GRID2: variants seen among roughly 807,000 people sequenced by gnomAD.
The protein encoded by GRID2 is glutamate receptor ionotropic, delta-2.
A neutral mutation model predicts 114.8 loss-of-function variants in GRID2; 33 were observed. That is an observed-to-expected ratio of 0.29 (90% confidence interval 0.22 to 0.38). The LOEUF (loss-of-function observed/expected upper bound fraction) is 0.38, where lower values mean the gene tolerates loss of function less well. Ranked by LOEUF, GRID2 falls within the 10% of genes least tolerant of loss-of-function variation. GRID2 has a pLI of 1.00. For missense variants in GRID2, 1,184 were observed against 1,257.7 expected (o/e 0.94, Z 0.89); for synonymous variants, 505 against 449.9 (o/e 1.12, Z -1.55).
At chr4:93,505,745 A>G (rs1728569306) in intron 12 of GRID2, among the ~76,000 whole-genome samples, 1 of 151,514 alleles carries the variant, frequency 6.6e-6, no homozygotes, top group South Asian at 2.1e-4. Context: ...TTTAACTAAT[A>G]GCCATTTAAA....
At chr4:93,532,775 CTAATT>C (rs1731581517) in intron 13 of GRID2, among the ~76,000 whole-genome samples, 2 of 152,150 alleles carry the variant, frequency 1.3e-5, no homozygotes, top group East Asian at 1.9e-4. Flanking sequence ...TTTAGGGAAT[CTAATT>C]TAGTTTGTCA....
At chr4:92,528,391 T>C (rs1725147890) in intron 1 of GRID2, among the ~76,000 whole-genome samples, 1 of 151,560 alleles carries the variant, frequency 6.6e-6, no homozygotes, top group Non-Finnish European at 1.5e-5. Flanking sequence ...TGTTTGAAGA[T>C]TGATCCTTGT....
intron 1 of GRID2, among the ~76,000 whole-genome samples, chr4:93,804,194 C>T (rs1032282686): frequency 4.6e-5 from 7 of 152,182 alleles, no homozygotes; most frequent in Non-Finnish European, 8.8e-5. Context: ...GAGACTATCA[C>T]AGACAACAGA....
intron 2 of GRID2, among the ~76,000 whole-genome samples, chr4:92,607,150 G>A (rs182513527): frequency 6.4e-4 from 98 of 152,038 alleles, no homozygotes; most frequent in African/African-American, 2.2e-3. Flanking sequence ...TAATTACCTT[G>A]AGCAGCAGGA....
intron 2 of GRID2, among the ~76,000 whole-genome samples, chr4:92,739,967 C>G (rs1458491837): frequency 6.6e-6 from 1 of 152,064 alleles, no homozygotes; most frequent in Non-Finnish European, 1.5e-5. Flanking sequence ...AATCCATAAT[C>G]TCATTATAGA....
At chr4:93,282,669 G>A (rs1485361836) in intron 8 of GRID2, among the ~76,000 whole-genome samples, 3 of 151,944 alleles carry the variant, frequency 2.0e-5, no homozygotes, top group African/African-American at 4.8e-5. Flanking sequence ...AGCTTTTGGG[G>A]ACACATTCAA....
intron 8 of GRID2, among the ~76,000 whole-genome samples, chr4:93,354,147 A>C (rs1305843209): frequency 6.6e-6 from 1 of 152,052 alleles, no homozygotes; most frequent in African/African-American, 2.4e-5. Flanking sequence ...AGAATAGAAA[A>C]TAGATATTAA....
chr4:92,978,766 TC>T (rs1754017350), intron 2 of GRID2, among the ~76,000 whole-genome samples: 1 of 152,172 alleles, frequency 6.6e-6, no homozygotes, highest in Non-Finnish European at 1.5e-5. Flanking sequence ...GTACAGTTGC[TC>T]ATGCCTGTAA....
At chr4:92,939,995 A>G (rs761733093) in intron 2 of GRID2, among the ~76,000 whole-genome samples, 1 of 147,248 alleles carries the variant, frequency 6.8e-6, no homozygotes, top group Non-Finnish European at 1.5e-5. Flanking sequence ...GAAGTCAGGT[A>G]GCGTGATGCC....
chr4:93,097,329 A>G (rs2149336034), intron 3 of GRID2, among the ~76,000 whole-genome samples: 1 of 149,890 alleles, frequency 6.7e-6, no homozygotes, highest in East Asian at 1.9e-4. Context: ...TGAAGACAAA[A>G]AAGGTAAAGG....
chr4:93,673,134 C>G (rs185203538), intron 14 of GRID2, among the ~76,000 whole-genome samples: 51 of 152,096 alleles, frequency 3.4e-4, no homozygotes, highest in Admixed American at 4.6e-4. Flanking sequence ...CAACATCCAC[C>G]TACTTATATT....
chr4:92,887,143 G>C (rs933178908), intron 2 of GRID2, among the ~76,000 whole-genome samples: 2 of 151,966 alleles, frequency 1.3e-5, no homozygotes, highest in Non-Finnish European at 2.9e-5. Flanking sequence ...ATTATTGCTG[G>C]TTCCTTGTGC....
intron 4 of GRID2, among the ~76,000 whole-genome samples, chr4:93,187,821 C>A (rs965823869): frequency 6.6e-6 from 1 of 152,212 alleles, no homozygotes; most frequent in African/African-American, 2.4e-5. Flanking sequence ...AAAGTGGTAA[C>A]TTGTCCCAAG....
chr4:92,942,192 G>T (rs1043838577), intron 2 of GRID2, among the ~76,000 whole-genome samples: 19 of 152,130 alleles, frequency 1.2e-4, no homozygotes, highest in Non-Finnish European at 2.6e-4. Context: ...CATTATTATT[G>T]TGTTGGAGTC....
At chr4:92,842,688 A>C (rs1742996874) in intron 2 of GRID2, among the ~76,000 whole-genome samples, 1 of 152,086 alleles carries the variant, frequency 6.6e-6, no homozygotes, top group South Asian at 2.1e-4. Flanking sequence ...ATCTACATGG[A>C]AAGGCAAGAT....
chr4:92,424,671 G>A (rs907314614), intron 1 of GRID2, among the ~76,000 whole-genome samples: 4 of 151,248 alleles, frequency 2.6e-5, no homozygotes, highest in African/African-American at 9.7e-5. Context: ...ACATCAATAA[G>A]TGAGTCAATT....
At chr4:93,656,379 A>G (rs1412603252) in intron 14 of GRID2, among the ~76,000 whole-genome samples, 4 of 152,150 alleles carry the variant, frequency 2.6e-5, no homozygotes, top group Non-Finnish European at 5.9e-5. Flanking sequence ...GGGGGACAAG[A>G]AAAGCTCTAA....
At chr4:92,542,112 T>TCCTCATTA (rs1289375698) in intron 1 of GRID2, among the ~76,000 whole-genome samples, 1 of 152,090 alleles carries the variant, frequency 6.6e-6, no homozygotes, top group African/African-American at 2.4e-5. Context: ...CAAATGCATA[T>TCCTCATTA]CCTCATTAAC....
Position 93,741,174 on chromosome 4 carries a change from C to CATATATATATATATATATAT in GRID2, c.2361-28029_2361-28010dup, listed in dbSNP as rs376106965. Among the ~76,000 whole-genome samples the CATATATATATATATATATAT allele has an allele frequency of 7.0e-4, 29 of 41,208 alleles. 1 individual carries two copies. The highest frequency in any genetic ancestry group is 1.2e-3 in the African/African-American group (10 of 8,020). 27.0% of individuals were successfully genotyped at this position (41,208 alleles called of 152,430 possible). A position where few individuals can be genotyped will look rare whatever the true frequency, so the allele number is the denominator to read the frequency against. On this transcript the variant is annotated intron_variant, in intron 14 of 15. Coordinates refer to ENST00000282020, the MANE Select transcript of GRID2 (RefSeq NM_001510.4). The stretch of plus-strand genomic sequence containing the variant: ...ACCTGAGAAACTATATATATATATA[C>CATATATATATATATATATAT]ATATATATATATATATATATATATA...
Sources: gnomAD v4.1 joint callset for allele counts (sites outside exome capture counted in the v4.1 genomes callset) on GRCh38, gnomAD v4.1.1 for gene constraint, MANE v1.5 for transcripts, NCBI Gene and HGNC (gene_info 2026-07-23, HGNC 2026-07-21) for gene names.